Variants in ADAMTS20 observed in about 807,000 individuals in gnomAD.
ADAMTS20 encodes the protein ADAM metallopeptidase with thrombospondin type 1 motif 20, also known as A disintegrin and metalloproteinase with thrombospondin motifs 20.
In ADAMTS20, 225 loss-of-function variants were observed where a neutral mutation model predicts 260.1. The ratio of observed to expected loss-of-function variants is 0.87; its 90% CI spans 0.78 to 0.97. ADAMTS20 has a LOEUF of 0.97. Among genes scored for constraint, ADAMTS20 ranks in the 50% least tolerant of loss-of-function variants. ADAMTS20 has a pLI of 0.00. For synonymous variants in ADAMTS20, 802 were observed against 769.5 expected (o/e 1.04, Z -0.70); for missense variants, 2,400 against 2,337.7 (o/e 1.03, Z -0.55).
rs1943365552 is a variant in ADAMTS20, at chr12:43,540,714, G to A, written c.454-8519C>T. ...TTTAGCAACATGACTATCTGCAGAT[G>A]GGCCCTGCAATTTGATTCATGATAA... On this transcript the variant is annotated intron_variant, in intron 2 of 38. Coordinates refer to ENST00000389420, the MANE Select transcript of ADAMTS20 (RefSeq NM_025003.5). Among the ~76,000 whole-genome samples the A allele has an allele frequency of 3.9e-5, 6 of 152,002 alleles. No individual in the cohort carries two copies. In the South Asian group the frequency reaches 1.2e-3, roughly 32 times the overall value.
In ADAMTS20 at chr12:43,551,326, CT is replaced by C. The variant is rs1820976325; in HGVS notation, c.92-57del. ...CCCACGCGTTCCTCATTGTCCAACT[CT>C]AAACTTCTTCCACCAAACGTCCCCG... is the stretch of plus-strand genomic sequence containing the variant. On this transcript the variant is annotated intron_variant, in intron 1 of 38. Coordinates refer to ENST00000389420, the MANE Select transcript of ADAMTS20 (RefSeq NM_025003.5). This position sits in a 1 kb window ranked among gnomAD's most constrained non-coding sequence, Gnocchi z 4.6. 1 of 1,559,464 alleles carries C rather than the reference CT, an allele frequency of 6.4e-7. No individual in the cohort carries two copies. The highest frequency in any genetic ancestry group is 1.8e-5 in the Admixed American group (1 of 55,072).
At chr12:43,358,631 G>A in intron 37 of ADAMTS20, among the ~76,000 whole-genome samples, 1 of 151,794 alleles carries the variant, frequency 6.6e-6, no homozygotes, top group Admixed American at 6.6e-5. Flanking sequence ...GAGGTCAGGA[G>A]ATCGAGACCA....
chr12:43,452,514 T>G lies in ADAMTS20; in HGVS notation c.1942A>C (p.Ile648Leu). Residue 648 changes from isoleucine (I) to leucine (L), a missense_variant and splice_region_variant, in exon 13 of 39, where the codon ATT becomes CTT. Transcript: ENST00000389420. Reference sequence around the variant, plus strand: ...CAAAGAACCAGCATAATTTACTTACTGCCACTGTATCTTGGAAGCCACCTC... The same window carrying G: ...CAAAGAACCAGCATAATTTACTTACGGCCACTGTATCTTGGAAGCCACCTC... ...NVRWLPRYSG[I>L]GTKDRCKLYC... 6.2e-7 allele frequency: 1 copy of G among 1,610,268 alleles called. No individual in the cohort carries two copies. Among genetic ancestry groups the G allele is most frequent in the Non-Finnish European group, 8.5e-7 (1 of 1,177,442 alleles).
At position 43,464,108 on chromosome 12, in the gene ADAMTS20, C is replaced by G. The variant is rs536731553; in HGVS notation, c.1509+483G>C. Among the ~76,000 whole-genome samples the G allele has an allele frequency of 5.3e-5, 8 of 152,130 alleles. No individual in the cohort carries two copies. In the South Asian group the frequency reaches 1.2e-3, roughly 24 times the overall value. On this transcript the variant is annotated intron_variant, in intron 10 of 38. Coordinates refer to ENST00000389420, the MANE Select transcript of ADAMTS20 (RefSeq NM_025003.5). ...AGGTATCTCATCTATGAAAAATCCT[C>G]AAAATATTATAAAATAATAGCTCAA... is the stretch of plus-strand genomic sequence containing the variant.
chr12:43,511,757 C>G (rs1314778913), intron 3 of ADAMTS20, among the ~76,000 whole-genome samples: 1 of 152,090 alleles, frequency 6.6e-6, no homozygotes, highest in Non-Finnish European at 1.5e-5. Flanking sequence ...ATATAATGCT[C>G]TATATTTGAC....
intron 2 of ADAMTS20, among the ~76,000 whole-genome samples, chr12:43,542,245 CAAT>C (rs1943386355): frequency 1.3e-5 from 2 of 152,030 alleles, no homozygotes. Context: ...AAAATCATAA[CAAT>C]GAGAAATTTA....
At chr12:43,493,137 A>C (rs1203430871) in intron 5 of ADAMTS20, 33 bp downstream of exon 5, 1 of 1,420,520 alleles carries the variant, frequency 7.0e-7, no homozygotes, top group African/African-American at 1.4e-5. Flanking sequence ...ACTTACTACA[A>C]CTAAGGTTAC....
chr12:43,503,124 C>A (rs1377694244), intron 3 of ADAMTS20, among the ~76,000 whole-genome samples: 1 of 120,550 alleles, frequency 8.3e-6, no homozygotes, highest in East Asian at 2.7e-4. Context: ...GCGTTTAAAT[C>A]TTAATTAATT....
chr12:43,485,109 A>AGC lies in ADAMTS20; in HGVS notation c.1117+5285_1117+5286insGC, dbSNP rs541586657. On this transcript the variant is annotated intron_variant, in intron 7 of 38. Coordinates refer to ENST00000389420, the MANE Select transcript of ADAMTS20 (RefSeq NM_025003.5). ...AGGACGTAGCCAAAAAAAAAAAAAA[A>AGC]AAGCAACAACAACAACAACAAAACC... Among the ~76,000 whole-genome samples the AGC allele has an allele frequency of 4.4e-3, 573 of 129,464 alleles. 6 individuals carry two copies. The highest frequency in any genetic ancestry group is 0.036 in the East Asian group (92 of 2,534). 84.9% of individuals were successfully genotyped at this position (129,464 alleles called of 152,430 possible).
At chr12:43,501,440 C>T (rs1942758731) in intron 4 of ADAMTS20, among the ~76,000 whole-genome samples, 1 of 147,668 alleles carries the variant, frequency 6.8e-6, no homozygotes, top group African/African-American at 2.5e-5. Flanking sequence ...TCAGGAATGT[C>T]CCAGGGTGGT....
Position 43,376,120 on chromosome 12 carries a change from T to A in ADAMTS20, c.5249A>T (p.Asn1750Ile). ...KIYCADMYLE[N>I]PKEYLTLVQG... ...GACCAGTGTTAAATATTCCTTAGGG[T>A]TCTCCAAGTACATGTCTGCACAATA... The change falls in exon 35 of 39, where the codon AAC (asparagine) becomes ATC (isoleucine). Residue 1750 changes from asparagine (N) to isoleucine (I), a missense_variant. Transcript: ENST00000389420. 2 of 1,609,836 alleles carry A rather than the reference T, an allele frequency of 1.2e-6. No homozygotes were observed. Among genetic ancestry groups the A allele is most frequent in the Non-Finnish European group, 1.7e-6 (2 of 1,178,130 alleles).
Position 43,492,355 on chromosome 12 carries a change from G to A in ADAMTS20, c.1076+150C>T. On this transcript the variant is annotated intron_variant, in intron 6 of 38. Coordinates refer to ENST00000389420, the MANE Select transcript of ADAMTS20 (RefSeq NM_025003.5). ...AGATCGCGCCACTGCACTCCACCCT[G>A]GGCGACAGAGCGAGACTCTGTCTCA... is the stretch of plus-strand genomic sequence containing the variant. 4.3e-6 allele frequency: 4 copies of A among 926,702 alleles called. 1 individual carries two copies. The South Asian group carries it at 8.1e-5, about 19-fold the overall frequency. 57.4% of individuals were successfully genotyped at this position (926,702 alleles called of 1,614,324 possible). A position where few individuals can be genotyped will look rare whatever the true frequency, so the allele number is the denominator to read the frequency against.
At chr12:43,480,268 T>C (rs1465842245) in intron 7 of ADAMTS20, among the ~76,000 whole-genome samples, 5 of 152,154 alleles carry the variant, frequency 3.3e-5, no homozygotes, top group African/African-American at 4.8e-5. Context: ...CAGGCCATCT[T>C]CACTCCTGAA....
intron 2 of ADAMTS20, among the ~76,000 whole-genome samples, chr12:43,549,027 ATTTG>A (rs965030814): frequency 4.6e-5 from 7 of 152,026 alleles, no homozygotes; most frequent in African/African-American, 1.4e-4. Flanking sequence ...AAATCATTTT[ATTTG>A]TTTGTAATTT....
chr12:43,462,010 G>C (rs1429707951), intron 11 of ADAMTS20, among the ~76,000 whole-genome samples: 1 of 152,174 alleles, frequency 6.6e-6, no homozygotes, highest in Middle Eastern at 3.2e-3. Context: ...TGTGATGTGA[G>C]CAATATTCAC....
In ADAMTS20 at chr12:43,439,654, C is replaced by A; in HGVS notation, c.2561G>T (p.Gly854Val). The A allele has an allele frequency of 6.2e-7, 1 of 1,613,366 alleles. No individual in the cohort carries two copies. The highest frequency in any genetic ancestry group is 1.1e-5 in the South Asian group (1 of 90,972). The change falls in exon 18 of 39, where the codon GGA becomes GTA. Residue 854 changes from glycine (G) to valine (V), a missense_variant. Gly to Val is a moderately radical substitution (Grantham distance 109). Transcript: ENST00000389420. ...CATTTTGGTACAGCCTTCCCATGGT[C>A]CATAGGGGTCCCATGTGAACATGTC... ...RSDMFTWDPYGPWEGCTKMCQ... is the reference protein window; with the variant it reads ...RSDMFTWDPYVPWEGCTKMCQ...
intron 36 of ADAMTS20, 125 bp downstream of exon 36, chr12:43,375,250 AAAGT>A (rs1206749726): frequency 1.7e-5 from 16 of 944,348 alleles, no homozygotes; most frequent in Non-Finnish European, 2.4e-5. Context: ...GTTTTTAAAA[AAAGT>A]AAGTAATTTT....
chr12:43,519,912 T>G (rs1246458875), intron 3 of ADAMTS20, among the ~76,000 whole-genome samples: 1 of 152,122 alleles, frequency 6.6e-6, no homozygotes, highest in African/African-American at 2.4e-5. Flanking sequence ...ATAAAAAATC[T>G]GAAGAGTGGT....
intron 15 of ADAMTS20, among the ~76,000 whole-genome samples, chr12:43,444,386 AAAGTTTAAAGCTC>A (rs1941722977): frequency 6.6e-6 from 1 of 152,132 alleles, no homozygotes; most frequent in Non-Finnish European, 1.5e-5. Context: ...AAAAAAAGAA[AAAGTTTAAAGCTC>A]AAGTTTTAGT....
Sources: gnomAD v4.1 joint callset for allele counts (sites outside exome capture counted in the v4.1 genomes callset) on GRCh38, gnomAD v4.1.1 for gene constraint, Gnocchi (gnomAD v3.1) non-coding constraint, MANE v1.5 for transcripts, NCBI Gene and HGNC (gene_info 2026-07-23, HGNC 2026-07-21) for gene names.